TMEM119: variants seen among roughly 807,000 people sequenced by gnomAD.
TMEM119 encodes osteoblast induction factor.
For synonymous variants in TMEM119, 182 were observed against 176.4 expected, an observed-to-expected ratio of 1.03 and a Z score of -0.25; for missense variants, 410 against 381.0, an observed-to-expected ratio of 1.08 and a Z score of -0.63.
Position 108,592,375 on chromosome 12 carries a change from C to A in TMEM119, c.9G>T (p.Ser3=). The A allele has an allele frequency of 6.4e-7, 1 of 1,556,190 alleles. No homozygotes were observed. Among genetic ancestry groups the A allele is most frequent in the South Asian group, 1.2e-5 (1 of 85,878 alleles). ...GGATGAGGAGGCTGGGGGCTGCCGC[C>A]GAAACCATGGTGCCCCCAGGACCTG... is the stretch of plus-strand genomic sequence containing the variant. MV[S]AAAPSLLILL... Residue 3 remains serine (S), a synonymous_variant, in exon 2 of 2, where the codon TCG becomes TCT. Transcript: ENST00000392806. The surrounding 1 kb of genome is among the most constrained non-coding windows in gnomAD (Gnocchi z 4.3).
rs757364453 is a variant in TMEM119, at chr12:108,592,220, G to A, written c.164C>T (p.Pro55Leu). The part of the protein sequence containing the change: ...EGSSASSPSL[P>L]PPWTPALSPT... ...GCTGAGGGCCGGGGTCCAGGGTGGC[G>A]GGAGGCTCGGGGAGGAGGCCGACGA... Residue 55 changes from proline to leucine, a missense_variant, in exon 2 of 2, where the codon CCG (proline) becomes CTG (leucine). By Grantham distance (98) the Pro-to-Leu change is moderately conservative (BLOSUM62 -3). Transcript: ENST00000392806. The surrounding 1 kb of genome is among the most constrained non-coding windows in gnomAD (Gnocchi z 4.3). The A allele has an allele frequency of 4.7e-5, 76 of 1,611,632 alleles. No homozygotes were observed. Among genetic ancestry groups the A allele is most frequent in the Middle Eastern group, 1.7e-4 (1 of 6,010 alleles).
chr12:108,592,232 G>A lies in TMEM119; in HGVS notation c.152C>T (p.Ser51Phe). The change falls in exon 2 of 2, where the codon TCC becomes TTC. Residue 51 changes from serine to phenylalanine, a missense_variant. By Grantham distance (155) the Ser-to-Phe change is radical. Transcript: ENST00000392806. The surrounding 1 kb of genome is among the most constrained non-coding windows in gnomAD (Gnocchi z 4.3). The stretch of plus-strand genomic sequence containing the variant: ...GGTCCAGGGTGGCGGGAGGCTCGGG[G>A]AGGAGGCCGACGAGCCCTCGGCCTC... ...SGEAEGSSAS[S>F]PSLPPPWTPA... 1 of 1,610,686 alleles carries A rather than the reference G, an allele frequency of 6.2e-7. No homozygotes were observed.
chr12:108,593,899 A>C (rs2031461306), intron 1 of TMEM119, among the ~76,000 whole-genome samples: 1 of 152,256 alleles, frequency 6.6e-6, no homozygotes, highest in Non-Finnish European at 1.5e-5. Context: ...CCGGCCCAGC[A>C]GAGGGCTCAG....
chr12:108,592,085 ACAG>A lies in TMEM119; in HGVS notation c.296_298del (p.Ala99del). The A allele has an allele frequency of 6.2e-7, 1 of 1,614,146 alleles. No individual in the cohort carries two copies. Among genetic ancestry groups the A allele is most frequent in the Non-Finnish European group, 8.5e-7 (1 of 1,180,010 alleles). ...CAGCAGAAAGGCCAGGGAGCCCACC[ACAG>A]CAATCAGCATCACGTACTGGCGGAA... is the stretch of plus-strand genomic sequence containing the variant. On this transcript the variant is annotated inframe_deletion, in exon 2 of 2. Transcript: ENST00000392806. The surrounding 1 kb of genome is among the most constrained non-coding windows in gnomAD (Gnocchi z 4.3).
At position 108,591,729 on chromosome 12, in the gene TMEM119, C is replaced by A. The variant is rs2031402316; in HGVS notation, c.655G>T (p.Val219Phe). Residue 219 changes from valine to phenylalanine, a missense_variant, in exon 2 of 2, where the codon GTC (valine) becomes TTC (phenylalanine). By Grantham distance (50) the Val-to-Phe change is conservative. Coordinates refer to ENST00000392806, the MANE Select transcript of TMEM119 (RefSeq NM_181724.3). This position sits in a 1 kb window ranked among gnomAD's most constrained non-coding sequence, Gnocchi z 4.2. ...EKGSQEGDQE[V>F]QGHGVPVETP... ...TCCACTGGGACCCCATGTCCCTGGA[C>A]TTCCTGGTCCCCCTCCTGGCTGCCC... 2 of 1,607,454 alleles carry A rather than the reference C, an allele frequency of 1.2e-6. No homozygotes were observed. The highest frequency in any genetic ancestry group is 1.7e-5 in the Admixed American group (1 of 59,008).
At chr12:108,594,807 T>A (rs1209089027) in intron 1 of TMEM119, among the ~76,000 whole-genome samples, 1 of 151,980 alleles carries the variant, frequency 6.6e-6, no homozygotes, top group East Asian at 1.9e-4. Flanking sequence ...GGTGTATGCC[T>A]GTAGTCCCAG....
rs1277566029 is a variant in TMEM119 at position 108,592,053 on chromosome 12, T to C, written c.331A>G (p.Ile111Val). Residue 111 changes from isoleucine to valine, a missense_variant, in exon 2 of 2, where the codon ATC becomes GTC. Transcript: ENST00000392806. This position sits in a 1 kb window ranked among gnomAD's most constrained non-coding sequence, Gnocchi z 4.3. Reference sequence around the variant, plus strand: ...CGGGTGATGACCGCGGCACAGACGATGAACATCAGCAGAAAGGCCAGGGAG... The same window carrying C: ...CGGGTGATGACCGCGGCACAGACGACGAACATCAGCAGAAAGGCCAGGGAG... ...VGSLAFLLMF[I>V]VCAAVITRQK... 6.2e-7 allele frequency: 1 copy of C among 1,614,010 alleles called. No individual in the cohort carries two copies. Among genetic ancestry groups the C allele is most frequent in the Non-Finnish European group, 8.5e-7 (1 of 1,179,980 alleles).
In TMEM119 at chr12:108,590,124, G is replaced by GT. The variant is rs2031361878; in HGVS notation, c.*1407dup. 1 of 152,262 alleles carries GT rather than the reference G, an allele frequency of 6.6e-6. No individual in the cohort carries two copies. Among genetic ancestry groups the GT allele is most frequent in the African/African-American group, 2.4e-5 (1 of 41,438 alleles). The allele number at this position is 152,262 out of a possible 1,614,324, so 9.4% of individuals were successfully genotyped here. A position where few individuals can be genotyped will look rare whatever the true frequency, so the allele number is the denominator to read the frequency against. ...CCCCAGCCCCTCGGACTTCCCCAGG[G>GT]TGGAGGTCCCCTCAAACACAGCCCC... On this transcript the variant is annotated 3_prime_UTR_variant, in exon 2 of 2. Transcript: ENST00000392806.
At chr12:108,597,356 G>A (rs73191229) in intron 1 of TMEM119, among the ~76,000 whole-genome samples, 4,509 of 152,112 alleles carry the variant, frequency 0.03, 99 homozygotes, top group Non-Finnish European at 0.042. Context: ...TGTTCTGGTT[G>A]GAGCACTGCA....
At position 108,591,860 on chromosome 12, in the gene TMEM119, T is replaced by C; in HGVS notation, c.524A>G (p.Asp175Gly). The C allele has an allele frequency of 6.2e-7, 1 of 1,606,158 alleles. No homozygotes were observed. Among genetic ancestry groups the C allele is most frequent in the Non-Finnish European group, 8.5e-7 (1 of 1,176,486 alleles). The change falls in exon 2 of 2, where the codon GAC (aspartate) becomes GGC (glycine). Residue 175 changes from aspartate (D) to glycine (G), a missense_variant. Transcript: ENST00000392806. This position sits in a 1 kb window ranked among gnomAD's most constrained non-coding sequence, Gnocchi z 4.2. ...ALDSSRQLQADILAATQNLKS... is the reference protein window; with the variant it reads ...ALDSSRQLQAGILAATQNLKS... ...GAGGTTCTGGGTGGCGGCCAAGATG[T>C]CGGCCTGGAGCTGCCGGGAGGAATC...
At chr12:108,593,674 G>C (rs988143180) in intron 1 of TMEM119, among the ~76,000 whole-genome samples, 1 of 152,206 alleles carries the variant, frequency 6.6e-6, no homozygotes, top group Non-Finnish European at 1.5e-5. Flanking sequence ...CAGATGAGCC[G>C]GGGGCCTCCC....
At position 108,592,268 on chromosome 12, in the gene TMEM119, G is replaced by A. The variant is rs187778697; in HGVS notation, c.116C>T (p.Ala39Val). 7.5e-4 allele frequency: 1,204 copies of A among 1,609,120 alleles called. 7 individuals are homozygous for A. The Middle Eastern group carries it at 9.0e-3, about 12-fold the overall frequency. ...PLKATFLEDV[A>V]GSGEAEGSSA... The stretch of plus-strand genomic sequence containing the variant: ...CGAGCCCTCGGCCTCCCCACTACCC[G>A]CCACATCCTCCAGGAACGTGGCCTT... Residue 39 changes from alanine (A) to valine (V), a missense_variant, in exon 2 of 2, where the codon GCG (alanine) becomes GTG (valine). Ala to Val is a moderately conservative substitution (Grantham distance 64). Coordinates refer to ENST00000392806, the MANE Select transcript of TMEM119 (RefSeq NM_181724.3). This position sits in a 1 kb window ranked among gnomAD's most constrained non-coding sequence, Gnocchi z 4.3.
At position 108,591,830 on chromosome 12, in the gene TMEM119, G is replaced by C. The variant is rs529882007; in HGVS notation, c.554C>G (p.Ser185Cys). 6 of 1,601,114 alleles carry C rather than the reference G, an allele frequency of 3.7e-6. No individual in the cohort carries two copies. The African/African-American group carries it at 8.0e-5, about 21-fold the overall frequency. Residue 185 changes from serine (S) to cysteine (C), a missense_variant, in exon 2 of 2, where the codon TCC (serine) becomes TGC (cysteine). By Grantham distance (112) the Ser-to-Cys change is moderately radical (BLOSUM62 -1). Transcript: ENST00000392806. The surrounding 1 kb of genome is among the most constrained non-coding windows in gnomAD (Gnocchi z 4.2). ...DILAATQNLKSPTRAALGGGD... is the reference protein window; with the variant it reads ...DILAATQNLKCPTRAALGGGD... ...ACCGCCCAGTGCAGCCCTGGTGGGG[G>C]ACTTGAGGTTCTGGGTGGCGGCCAA...
rs1827759514 is a variant in TMEM119, at chr12:108,593,475, G to T, written c.-14-1078C>A. Reference sequence around the variant, plus strand: ...AGAAAAAAAAAAAAAGATTCGTAGGGTTTGAAGCCTCCAGGTCTCTGAGCT... The same window carrying T: ...AGAAAAAAAAAAAAAGATTCGTAGGTTTTGAAGCCTCCAGGTCTCTGAGCT... On this transcript the variant is annotated intron_variant, in intron 1 of 1. Coordinates refer to ENST00000392806, the MANE Select transcript of TMEM119 (RefSeq NM_181724.3). Among the ~76,000 whole-genome samples, 6 of 152,080 alleles carry T rather than the reference G, an allele frequency of 3.9e-5. No individual in the cohort carries two copies. The South Asian group carries it at 1.2e-3, about 31-fold the overall frequency.
At position 108,591,718 on chromosome 12, in the gene TMEM119, A is replaced by C. The variant is rs750559528; in HGVS notation, c.666T>G (p.His222Gln). The C allele has an allele frequency of 1.9e-6, 3 of 1,611,404 alleles. No individual in the cohort carries two copies. The highest frequency in any genetic ancestry group is 2.7e-5 in the African/African-American group (2 of 74,918). The change falls in exon 2 of 2, where the codon CAT becomes CAG. Residue 222 changes from histidine (H) to glutamine (Q), a missense_variant. His to Gln is a conservative substitution (Grantham distance 24). Transcript: ENST00000392806. The surrounding 1 kb of genome is among the most constrained non-coding windows in gnomAD (Gnocchi z 4.2). Reference sequence around the variant, plus strand: ...CCTCTGGTGTCTCCACTGGGACCCCATGTCCCTGGACTTCCTGGTCCCCCT... The same window carrying C: ...CCTCTGGTGTCTCCACTGGGACCCCCTGTCCCTGGACTTCCTGGTCCCCCT... ...SQEGDQEVQG[H>Q]GVPVETPEAQ...
At chr12:108,594,241 G>A (rs1453936645) in intron 1 of TMEM119, 1 of 152,348 alleles carries the variant, frequency 6.6e-6, no homozygotes, top group Non-Finnish European at 1.5e-5. Context: ...AGGCTTCTCT[G>A]TGACACAGCT....
At chr12:108,595,564 CT>C (rs1275513927) in intron 1 of TMEM119, among the ~76,000 whole-genome samples, 1 of 150,988 alleles carries the variant, frequency 6.6e-6, no homozygotes, top group African/African-American at 2.4e-5. Flanking sequence ...ACACACACCC[CT>C]ATACACACAT....
rs947947401 is a variant in TMEM119 at position 108,591,488 on chromosome 12, C to T, written c.*44G>A. On this transcript the variant is annotated 3_prime_UTR_variant, in exon 2 of 2. Coordinates refer to ENST00000392806, the MANE Select transcript of TMEM119 (RefSeq NM_181724.3). This position sits in a 1 kb window ranked among gnomAD's most constrained non-coding sequence, Gnocchi z 4.2. ...GCCTTTTCATACACGGGGAGGTGACCACTTGGGGGCCCGACAGTCAGGGCT... is the reference window on the plus strand; with the variant it reads ...GCCTTTTCATACACGGGGAGGTGACTACTTGGGGGCCCGACAGTCAGGGCT... The T allele has an allele frequency of 2.6e-6, 4 of 1,528,198 alleles. No homozygotes were observed. In the African/African-American group the frequency reaches 5.5e-5, roughly 21 times the overall value. The allele number at this position is 1,528,198 out of a possible 1,614,324, so 94.7% of individuals were successfully genotyped here.
intron 1 of TMEM119, among the ~76,000 whole-genome samples, chr12:108,596,304 T>G (rs1237788076): frequency 6.6e-6 from 1 of 151,780 alleles, no homozygotes; most frequent in Non-Finnish European, 1.5e-5. Flanking sequence ...AGACCAACCT[T>G]TTCACCCCGT....
Sources: gnomAD v4.1 joint callset for allele counts (sites outside exome capture counted in the v4.1 genomes callset) on GRCh38, gnomAD v4.1.1 for gene constraint, Gnocchi (gnomAD v3.1) non-coding constraint, MANE v1.5 for transcripts, NCBI Gene and HGNC (gene_info 2026-07-23, HGNC 2026-07-21) for gene names.